The following TRPM3 variants were observed in gnomAD, a reference collection of about 807,000 sequenced individuals.
TRPM3 encodes transient receptor potential cation channel subfamily M member 3.
Under a neutral mutation model 181.2 loss-of-function variants are expected in TRPM3, and 77 were observed. The observed-to-expected ratio is 0.42, with a 90% CI of 0.35 to 0.51. The LOEUF is 0.51. TRPM3 is among the 20% of genes least tolerant of loss of function. The pLI is 0.01. For synonymous variants in TRPM3, 745 were observed against 796.4 expected (o/e 0.94, Z 1.09); for missense variants, 1,759 against 2,196.7 (o/e 0.80, Z 3.98).
At chr9:70,929,167 CTT>C (rs199515595) in intron 1 of TRPM3, among the ~76,000 whole-genome samples, 28 of 141,228 alleles carry the variant, frequency 2.0e-4, no homozygotes, top group South Asian at 2.3e-4. Context: ...TAAACATTGA[CTT>C]TTTTTTTTTT....
intron 1 of TRPM3, among the ~76,000 whole-genome samples, chr9:70,865,104 A>C (rs4642720): frequency 0.086 from 13,039 of 151,680 alleles, 768 homozygotes; most frequent in Non-Finnish European, 0.12. Flanking sequence ...CATAGTCCAA[A>C]ATTTTACAGG....
intron 7 of TRPM3, among the ~76,000 whole-genome samples, chr9:70,770,616 C>G (rs1170592220): frequency 2.6e-5 from 4 of 152,168 alleles, no homozygotes. Flanking sequence ...GGCTGTAATA[C>G]AGCTCCTTTA....
intron 1 of TRPM3, among the ~76,000 whole-genome samples, chr9:70,882,022 T>G (rs1451815360): frequency 6.6e-6 from 1 of 152,212 alleles, no homozygotes. Context: ...AGTTTTCAAG[T>G]GCTAGGAAGT....
chr9:71,313,054 T>C (rs1211936568), intron 1 of TRPM3, among the ~76,000 whole-genome samples: 4 of 152,154 alleles, frequency 2.6e-5, no homozygotes, highest in African/African-American at 9.7e-5. Flanking sequence ...GTGATAATGA[T>C]GTGTCAATAT....
chr9:71,419,444 C>T (rs992693001), intron 1 of TRPM3, among the ~76,000 whole-genome samples: 2 of 151,764 alleles, frequency 1.3e-5, no homozygotes, highest in Non-Finnish European at 2.9e-5. Context: ...TATCTTTTTC[C>T]CTGAGGAATA....
chr9:70,859,735 A>G (rs569839472), intron 3 of TRPM3, among the ~76,000 whole-genome samples: 31 of 147,458 alleles, frequency 2.1e-4, no homozygotes, highest in African/African-American at 7.1e-4. Context: ...AGAAAAAGTA[A>G]TCACAGATAA....
At chr9:70,801,572 C>A (rs1175770754) in intron 6 of TRPM3, among the ~76,000 whole-genome samples, 2 of 152,014 alleles carry the variant, frequency 1.3e-5, no homozygotes, top group Non-Finnish European at 2.9e-5. Context: ...CTACTTTTCT[C>A]TCTTATAAAT....
At chr9:70,949,040 A>G (rs2096966466) in intron 1 of TRPM3, among the ~76,000 whole-genome samples, 1 of 152,038 alleles carries the variant, frequency 6.6e-6, no homozygotes, top group Non-Finnish European at 1.5e-5. Context: ...TATTCATTCA[A>G]TTAGTATTTA....
At chr9:71,221,408 G>C (rs1336128336) in intron 1 of TRPM3, among the ~76,000 whole-genome samples, 1 of 152,078 alleles carries the variant, frequency 6.6e-6, no homozygotes, top group East Asian at 1.9e-4. Context: ...ATTTCTAGGA[G>C]CCAAATAAAA....
At chr9:71,034,360 G>A (rs1428179939) in intron 1 of TRPM3, among the ~76,000 whole-genome samples, 3 of 152,258 alleles carry the variant, frequency 2.0e-5, no homozygotes, top group South Asian at 2.1e-4. Context: ...TTATTCCCAA[G>A]AAGAGGTAAA....
intron 1 of TRPM3, among the ~76,000 whole-genome samples, chr9:71,314,419 A>G (rs1344984914): frequency 6.6e-6 from 1 of 152,126 alleles, no homozygotes; most frequent in East Asian, 1.9e-4. Flanking sequence ...TCTAGTTTCA[A>G]CTATAGTCAA....
intron 1 of TRPM3, among the ~76,000 whole-genome samples, chr9:70,865,038 AG>A (rs1199669111): frequency 6.0e-5 from 5 of 83,100 alleles, no homozygotes; most frequent in Non-Finnish European, 6.8e-5. Flanking sequence ...TGCTAAGTAC[AG>A]GGGGGTTGGG....
intron 6 of TRPM3, among the ~76,000 whole-genome samples, chr9:70,786,612 T>C (rs1333572839): frequency 6.6e-6 from 1 of 152,250 alleles, no homozygotes; most frequent in African/African-American, 2.4e-5. Flanking sequence ...TTTTATAACA[T>C]GCCTTCAAAA....
chr9:70,591,254 T>A (rs752864550), intron 21 of TRPM3, 49 bp from the exon 22 acceptor site: 1 of 1,513,384 alleles, frequency 6.6e-7, no homozygotes, highest in African/African-American at 1.4e-5. Flanking sequence ...ACCCATATGA[T>A]TGAGTGTTCT....
Position 71,170,000 on chromosome 9 carries a change from C to CA in TRPM3, c.183+276652dup, listed in dbSNP as rs34087746. Among the ~76,000 whole-genome samples the CA allele has an allele frequency of 5.0e-3, 381 of 76,954 alleles. 2 individuals are homozygous for CA. The highest frequency in any genetic ancestry group is 8.8e-3 in the African/African-American group (179 of 20,312). 50.5% of individuals were successfully genotyped at this position (76,954 alleles called of 152,430 possible). ...TGGGTGACAGAGTGAGACTCTGTCT[C>CA]AAAAAAAAAAAAAAAAAAAAAAAAT... is the stretch of plus-strand genomic sequence containing the variant. On this transcript the variant is annotated intron_variant, in intron 1 of 24. Coordinates refer to the TRPM3 transcript ENST00000357533.
chr9:70,865,573 C>G (rs1432689126), intron 1 of TRPM3: 1 of 152,080 alleles, frequency 6.6e-6, no homozygotes. Flanking sequence ...CTGTTATAAG[C>G]CCCCATGTGT....
chr9:70,639,875 A>T (rs915800221), intron 10 of TRPM3, among the ~76,000 whole-genome samples: 1 of 152,056 alleles, frequency 6.6e-6, no homozygotes, highest in Non-Finnish European at 1.5e-5. Flanking sequence ...CCAGGCAGAA[A>T]CTCTCTAGGG....
intron 1 of TRPM3, among the ~76,000 whole-genome samples, chr9:70,915,772 A>G (rs1031190612): frequency 2.0e-5 from 3 of 152,168 alleles, no homozygotes; most frequent in Non-Finnish European, 2.9e-5. Flanking sequence ...TCTAAGAGTT[A>G]TTGGCCTTAA....
rs2083079189 is a variant in TRPM3 at position 70,784,177 on chromosome 9, A to G, written c.1076T>C (p.Val359Ala). 6.2e-7 allele frequency: 1 copy of G among 1,613,746 alleles called. No homozygotes were observed. The highest frequency in any genetic ancestry group is 8.5e-7 in the Non-Finnish European group (1 of 1,179,850). Residue 359 changes from valine (V) to alanine (A), a missense_variant, in exon 7 of 26, where the codon GTG (valine) becomes GCG (alanine). By Grantham distance (64) the Val-to-Ala change is moderately conservative (BLOSUM62 0). Coordinates refer to ENST00000677713, the MANE Select transcript of TRPM3 (RefSeq NM_001366145.2). Reference protein sequence around the residue: ...EYLRDTPPVPVVVCDGSGRAS... With the variant: ...EYLRDTPPVPAVVCDGSGRAS... ...CCGTCCACTCCCATCACAGACAACC[A>G]CTGGCACGGGAGGGGTGTCTCGAAG...
Sources: allele counts gnomAD v4.1 joint callset (sites outside exome capture counted in the v4.1 genomes callset), GRCh38; gene constraint gnomAD v4.1.1; transcripts MANE v1.5; gene names NCBI Gene and HGNC (gene_info 2026-07-23, HGNC 2026-07-21).